Variants in ZNF536 observed in about 807,000 individuals in gnomAD.
ZNF536 encodes the protein zinc finger protein 536.
Under a neutral mutation model 84.5 loss-of-function variants are expected in ZNF536, and 13 were observed. The ratio of observed to expected loss-of-function variants is 0.15; its 90% CI spans 0.10 to 0.24. The LOEUF is 0.24. ZNF536 is among the 10% of genes least tolerant of loss of function. The pLI, the probability that ZNF536 is intolerant of heterozygous loss-of-function variation, is 1.00. For synonymous variants in ZNF536, 811 were observed against 742.5 expected (o/e 1.09, Z -1.50); for missense variants, 1,536 against 1,747.5 (o/e 0.88, Z 2.16).
intron 2 of ZNF536, among the ~76,000 whole-genome samples, chr19:30,451,792 C>A (rs1327134312): frequency 6.6e-6 from 1 of 152,192 alleles, no homozygotes; most frequent in East Asian, 1.9e-4. Context: ...ACACTCCTGC[C>A]CACGGAGCTT....
intron 2 of ZNF536, among the ~76,000 whole-genome samples, chr19:30,487,296 C>G (rs1430024810): frequency 6.6e-6 from 1 of 152,136 alleles, no homozygotes; most frequent in African/African-American, 2.4e-5. Flanking sequence ...ATGTATGGCA[C>G]TGGGGCATTC....
intron 4 of ZNF536, chr19:30,554,232 G>A (rs1020703812): frequency 6.6e-6 from 1 of 151,182 alleles, no homozygotes; most frequent in Non-Finnish European, 1.5e-5. Context: ...TCTTGGCATA[G>A]GCAGTCGGAG....
At chr19:30,520,440 G>A (rs991509782) in intron 2 of ZNF536, among the ~76,000 whole-genome samples, 1 of 152,110 alleles carries the variant, frequency 6.6e-6, no homozygotes, top group Non-Finnish European at 1.5e-5. Context: ...CCTGCTGTCT[G>A]CTTCTTTCTC....
chr19:30,460,894 G>A (rs898497952), intron 2 of ZNF536, among the ~76,000 whole-genome samples: 4 of 152,164 alleles, frequency 2.6e-5, no homozygotes, highest in Admixed American at 6.5e-5. Flanking sequence ...CAAGGGAACA[G>A]CCTGGTCATC....
At chr19:30,365,349 T>C (rs1247664522) in intron 3 of ZNF536, among the ~76,000 whole-genome samples, 1 of 152,144 alleles carries the variant, frequency 6.6e-6, no homozygotes, top group Non-Finnish European at 1.5e-5. Flanking sequence ...GTTGTCTTTC[T>C]CTCTTCCCTC....
At chr19:30,558,297 G>T (rs1223840373), downstream of ZNF536, among the ~76,000 whole-genome samples, 1 of 152,196 alleles carries the variant, frequency 6.6e-6, no homozygotes. Context: ...ATGACTGTGG[G>T]GGGTGGGGGA....
chr19:30,704,574 G>A (rs2052140073), intron 1 of ZNF536, among the ~76,000 whole-genome samples: 2 of 149,772 alleles, frequency 1.3e-5, no homozygotes, highest in South Asian at 2.1e-4. Context: ...TTAAACCCGG[G>A]AGGCAGAGGT....
At chr19:30,409,884 A>G (rs992907425) in intron 1 of ZNF536, among the ~76,000 whole-genome samples, 31 of 152,170 alleles carry the variant, frequency 2.0e-4, no homozygotes, top group African/African-American at 7.5e-4. Context: ...GTAAAGATAC[A>G]TATCTTTAAT....
chr19:30,631,094 C>T (rs897509371), intron 1 of ZNF536, among the ~76,000 whole-genome samples: 2 of 152,164 alleles, frequency 1.3e-5, no homozygotes, highest in Non-Finnish European at 2.9e-5. Flanking sequence ...GAGGCTGGGC[C>T]GTGCAGCCGG....
At position 30,444,126 on chromosome 19, in the gene ZNF536, G is replaced by T. The variant is rs754333227; in HGVS notation, c.564G>T (p.Gly188=). 6.2e-7 allele frequency: 1 copy of T among 1,609,980 alleles called. No homozygotes were observed. The highest frequency in any genetic ancestry group is 1.7e-5 in the Admixed American group (1 of 59,812). Residue 188 remains glycine (G), a synonymous_variant, in exon 2 of 5, where the codon GGG becomes GGT. Transcript: ENST00000355537. ...RTHKLGNLGK[G]RGRVREENRL... ...ACAAGCTGGGCAACCTGGGCAAGGG[G>T]CGTGGGCGTGTGCGCGAGGAGAACC...
intron 1 of ZNF536, among the ~76,000 whole-genome samples, chr19:30,415,475 T>C (rs574788196): frequency 1.3e-5 from 2 of 151,496 alleles, no homozygotes; most frequent in Non-Finnish European, 2.9e-5. Flanking sequence ...GATGTGACAG[T>C]GTGTGAATTC....
chr19:30,282,386 TTGTGCCCATCA>T (rs1394778395), intron 1 of ZNF536, among the ~76,000 whole-genome samples: 4 of 148,868 alleles, frequency 2.7e-5, no homozygotes, highest in Non-Finnish European at 6.0e-5. Flanking sequence ...CCTGAGGGGT[TTGTGCCCATCA>T]CTGCCCCGGT....
At chr19:30,367,733 G>A (rs1192162534), upstream of ZNF536, among the ~76,000 whole-genome samples, 1 of 152,214 alleles carries the variant, frequency 6.6e-6, no homozygotes, top group Admixed American at 6.5e-5. Flanking sequence ...AGAGTCTGGA[G>A]TAGCTGAGGG....
At chr19:30,401,599 A>AT (rs764981375) in intron 1 of ZNF536, among the ~76,000 whole-genome samples, 28 of 152,366 alleles carry the variant, frequency 1.8e-4, no homozygotes, top group Non-Finnish European at 3.7e-4. Context: ...TTAAAGTGGG[A>AT]TTTTCTGAAA....
At chr19:30,305,831 G>T (rs528261397) in intron 2 of ZNF536, among the ~76,000 whole-genome samples, 1 of 152,350 alleles carries the variant, frequency 6.6e-6, no homozygotes, top group Admixed American at 6.5e-5. Context: ...GGCAGGAGGG[G>T]CCAGCGTGGG....
chr19:30,377,174 C>T (rs1239198437), intron 1 of ZNF536, among the ~76,000 whole-genome samples: 1 of 152,134 alleles, frequency 6.6e-6, no homozygotes, highest in Non-Finnish European at 1.5e-5. Context: ...GACTGAAGGC[C>T]TCATGAGGGC....
chr19:30,649,718 G>A (rs182269303), intron 1 of ZNF536, among the ~76,000 whole-genome samples: 5 of 152,164 alleles, frequency 3.3e-5, no homozygotes, highest in South Asian at 2.1e-4. Flanking sequence ...TTTGAAGCCC[G>A]AGAGTCATCC....
intron 1 of ZNF536, among the ~76,000 whole-genome samples, chr19:30,236,261 T>G (rs1743761991): frequency 6.6e-6 from 1 of 152,244 alleles, no homozygotes; most frequent in South Asian, 2.1e-4. Context: ...GACTTGCATG[T>G]AGCTGGGAAC....
At chr19:30,349,276 A>G (rs2047851708) in intron 2 of ZNF536, among the ~76,000 whole-genome samples, 1 of 152,224 alleles carries the variant, frequency 6.6e-6, no homozygotes, top group Non-Finnish European at 1.5e-5. Context: ...AGCATTCATA[A>G]TGGCTTTCAC....
Sources: allele counts gnomAD v4.1 joint callset (sites outside exome capture counted in the v4.1 genomes callset), GRCh38; gene constraint gnomAD v4.1.1; transcripts MANE v1.5; gene names NCBI Gene and HGNC (gene_info 2026-07-23, HGNC 2026-07-21).